Variants in P2RY14 observed in about 807,000 individuals in gnomAD.
P2RY14 encodes the protein P2Y purinoceptor 14.
P2RY14 carries 2 observed loss-of-function variants against 0.9 expected under a neutral mutation model. That is an observed-to-expected ratio of 2.16 (90% CI 0.88 to 6.79). The LOEUF is 6.79. Ranked by LOEUF, P2RY14 falls within the 30% of genes most tolerant of loss-of-function variation. The pLI is 0.05. For synonymous variants in P2RY14, 158 were observed against 147.2 expected, an observed-to-expected ratio of 1.07 and a Z score of -0.53; for missense variants, 378 against 400.1, an observed-to-expected ratio of 0.94 and a Z score of 0.47.
At chr3:151,262,315 C>T (rs1739061874) in intron 1 of P2RY14, among the ~76,000 whole-genome samples, 1 of 152,212 alleles carries the variant, frequency 6.6e-6, no homozygotes, top group South Asian at 2.1e-4. Context: ...TATTGTTCAT[C>T]TCCAGTAGCA....
intron 1 of P2RY14, among the ~76,000 whole-genome samples, chr3:151,256,173 G>A (rs1234484589): frequency 6.6e-6 from 1 of 152,136 alleles, no homozygotes; most frequent in Non-Finnish European, 1.5e-5. Context: ...GTTATAGGAA[G>A]GCTCTTTTAG....
chr3:151,215,447 A>C (rs1031297634), intron 2 of P2RY14, among the ~76,000 whole-genome samples: 2 of 152,186 alleles, frequency 1.3e-5, no homozygotes, highest in Admixed American at 6.5e-5. Context: ...AAAATATATT[A>C]TTACTCTTAA....
intron 1 of P2RY14, among the ~76,000 whole-genome samples, chr3:151,259,536 C>T (rs531116322): frequency 4.6e-5 from 7 of 152,236 alleles, no homozygotes; most frequent in Non-Finnish European, 8.8e-5. Flanking sequence ...TATGTGTTCA[C>T]CCTAAGAATA....
intron 1 of P2RY14, among the ~76,000 whole-genome samples, chr3:151,228,183 A>C (rs1329640945): frequency 6.6e-6 from 1 of 152,220 alleles, no homozygotes; most frequent in Non-Finnish European, 1.5e-5. Flanking sequence ...ACAGTGCAGC[A>C]TAATGATTAC....
At chr3:151,232,028 G>T (rs1731775919) in intron 1 of P2RY14, among the ~76,000 whole-genome samples, 1 of 152,090 alleles carries the variant, frequency 6.6e-6, no homozygotes, top group African/African-American at 2.4e-5. Flanking sequence ...TGGTTTTGAG[G>T]GAAGGGTCCT....
chr3:151,251,749 C>G (rs1736898227), intron 1 of P2RY14, among the ~76,000 whole-genome samples: 1 of 152,154 alleles, frequency 6.6e-6, no homozygotes, highest in Non-Finnish European at 1.5e-5. Flanking sequence ...TAGAACAGCT[C>G]TCTGGAATAA....
chr3:151,242,138 C>G (rs898972767), intron 1 of P2RY14, among the ~76,000 whole-genome samples: 1 of 152,186 alleles, frequency 6.6e-6, no homozygotes, highest in Non-Finnish European at 1.5e-5. Context: ...CATGGAGTCT[C>G]GCTGATTGCT....
intron 1 of P2RY14, among the ~76,000 whole-genome samples, chr3:151,270,620 G>C (rs1286540778): frequency 1.3e-5 from 2 of 152,010 alleles, no homozygotes; most frequent in Non-Finnish European, 2.9e-5. Flanking sequence ...ACTTTCTCTT[G>C]TTTAAAAAAA....
chr3:151,250,575 G>T (rs1736652884), intron 1 of P2RY14, among the ~76,000 whole-genome samples: 1 of 152,128 alleles, frequency 6.6e-6, no homozygotes, highest in African/African-American at 2.4e-5. Flanking sequence ...TGTCTTTAAG[G>T]TTCATGCATT....
At chr3:151,255,780 G>A (rs923350147) in intron 1 of P2RY14, among the ~76,000 whole-genome samples, 11 of 152,124 alleles carry the variant, frequency 7.2e-5, no homozygotes, top group Non-Finnish European at 7.4e-5. Context: ...GCTACATAAC[G>A]TGGCATATGG....
chr3:151,254,850 T>C (rs534470341), intron 1 of P2RY14, among the ~76,000 whole-genome samples: 1 of 152,342 alleles, frequency 6.6e-6, no homozygotes, highest in South Asian at 2.1e-4. Flanking sequence ...TATTGCTGTC[T>C]TATAAATGTC....
chr3:151,228,249 G>C (rs1730938428), intron 1 of P2RY14, among the ~76,000 whole-genome samples: 2 of 152,142 alleles, frequency 1.3e-5, no homozygotes, highest in South Asian at 4.2e-4. Context: ...CTAGAATATT[G>C]CGATAATTAT....
intron 1 of P2RY14, among the ~76,000 whole-genome samples, chr3:151,226,667 AT>A (rs1336762244): frequency 1.3e-5 from 2 of 151,802 alleles, no homozygotes; most frequent in African/African-American, 4.8e-5. Flanking sequence ...TATATATATT[AT>A]TTTTGTTTTT....
intron 2 of P2RY14, among the ~76,000 whole-genome samples, chr3:151,218,007 G>C (rs1361820462): frequency 6.6e-6 from 1 of 152,088 alleles, no homozygotes; most frequent in African/African-American, 2.4e-5. Flanking sequence ...CATTAAAAAA[G>C]ACATGCATCA....
intron 1 of P2RY14, among the ~76,000 whole-genome samples, chr3:151,224,640 C>T (rs1730113549): frequency 6.6e-6 from 1 of 152,214 alleles, no homozygotes; most frequent in South Asian, 2.1e-4. Context: ...ATCTCACTTT[C>T]TTCTTCACCC....
intron 1 of P2RY14, among the ~76,000 whole-genome samples, chr3:151,239,362 A>G (rs1733609376): frequency 6.6e-6 from 1 of 152,238 alleles, no homozygotes; most frequent in African/African-American, 2.4e-5. Flanking sequence ...AAAGAAGAAA[A>G]TCCAGAAGGC....
At chr3:151,269,761 G>A in intron 1 of P2RY14, 1 of 423,440 alleles carries the variant, frequency 2.4e-6, no homozygotes, top group Non-Finnish European at 4.6e-6. Context: ...GAATGAGAGT[G>A]GTGATCTATT....
intron 1 of P2RY14, among the ~76,000 whole-genome samples, chr3:151,237,582 C>T (rs1054356516): frequency 6.6e-6 from 1 of 150,688 alleles, no homozygotes; most frequent in African/African-American, 2.4e-5. Flanking sequence ...AACTCCTGAC[C>T]TCAGGTGATC....
intron 1 of P2RY14, among the ~76,000 whole-genome samples, chr3:151,228,588 G>A (rs756153419): frequency 1.4e-4 from 21 of 152,150 alleles, no homozygotes; most frequent in Non-Finnish European, 2.6e-4. Flanking sequence ...CTTGAACAAG[G>A]GACAAATTGG....
Sources: allele counts gnomAD v4.1 joint callset (sites outside exome capture counted in the v4.1 genomes callset), GRCh38; gene constraint gnomAD v4.1.1; transcripts MANE v1.5; gene names NCBI Gene and HGNC (gene_info 2026-07-23, HGNC 2026-07-21).